Variants in ELOVL2 observed in about 807,000 individuals in gnomAD.
ELOVL2 encodes very long chain fatty acid elongase 2.
ELOVL2 carries 38 observed loss-of-function variants against 37.7 expected under a neutral mutation model. That is an observed-to-expected ratio of 1.01 (90% CI 0.78 to 1.32). The LOEUF (loss-of-function observed/expected upper bound fraction) is 1.32, where lower values mean the gene tolerates loss of function less well. Ranked by LOEUF, ELOVL2 falls within the 40% of genes most tolerant of loss-of-function variation. ELOVL2 has a pLI of 0.00. For synonymous variants in ELOVL2, 115 were observed against 122.3 expected, an observed-to-expected ratio of 0.94 and a Z score of 0.40; for missense variants, 352 against 363.6, an observed-to-expected ratio of 0.97 and a Z score of 0.26.
intron 5 of ELOVL2, among the ~76,000 whole-genome samples, chr6:10,993,857 ATT>A (rs530539525): frequency 0.058 from 4,508 of 78,280 alleles, 89 homozygotes; most frequent in African/African-American, 0.098. Context: ...CGCCCAGCTA[ATT>A]TTTTTTTTTT....
At chr6:10,992,790 A>C (rs1488945799) in intron 5 of ELOVL2, among the ~76,000 whole-genome samples, 6 of 123,734 alleles carry the variant, frequency 4.8e-5, no homozygotes, top group Non-Finnish European at 1.0e-4. Flanking sequence ...CCATCTCAAA[A>C]AAAACAAAAC....
Position 11,000,079 on chromosome 6 carries a change from TG to T in ELOVL2, c.333+7del. On this transcript the variant is annotated splice_region_variant and intron_variant, in intron 4 of 7. Coordinates refer to ENST00000354666, the MANE Select transcript of ELOVL2 (RefSeq NM_017770.4). ...TTATAGTTGGTTGATTTGCTTCTAG[TG>T]GCTCACCCGGATGTCAGCTTCCCCT... The T allele has an allele frequency of 1.9e-6, 3 of 1,613,886 alleles. No individual in the cohort carries two copies. The highest frequency in any genetic ancestry group is 2.5e-6 in the Non-Finnish European group (3 of 1,179,744).
rs1581863190 is a variant in ELOVL2 at position 10,996,513 on chromosome 6, C to CA, written c.334-1336dup. 2.0e-5 allele frequency among the ~76,000 whole-genome samples: 3 copies of CA among 151,610 alleles called. No individual in the cohort carries two copies. In the South Asian group the frequency reaches 6.2e-4, roughly 32 times the overall value. ...TGAAACCTCATCTCCACTAAAAATA[C>CA]AAAAAAATTAGTTGGGTGTGGTGGT... On this transcript the variant is annotated intron_variant, in intron 4 of 7. Coordinates refer to ENST00000354666, the MANE Select transcript of ELOVL2 (RefSeq NM_017770.4).
chr6:11,005,371 C>A lies in ELOVL2; in HGVS notation c.255+1G>T. 1 of 1,611,088 alleles carries A rather than the reference C, an allele frequency of 6.2e-7. No individual in the cohort carries two copies. The highest frequency in any genetic ancestry group is 8.5e-7 in the Non-Finnish European group (1 of 1,178,708). ...TCAGCTTTGGCTACATAAACACTTA[C>A]CTCTGCCAGCATGTACGCGGAGAGA... On this transcript the variant is annotated splice_donor_variant, in intron 3 of 7. Coordinates refer to ENST00000354666, the MANE Select transcript of ELOVL2 (RefSeq NM_017770.4). LOFTEE classifies it high-confidence loss of function.
rs1050215783 is a variant in ELOVL2 at position 10,982,309 on chromosome 6, G to C, written c.*1472C>G. ...TCAGGGGGGAAAAAAAGCCGAGAGA[G>C]AAAGGCACTCTGGACGCTAATGAGT... On this transcript the variant is annotated 3_prime_UTR_variant, in exon 8 of 8. Transcript: ENST00000354666. 7.2e-5 allele frequency: 11 copies of C among 152,088 alleles called. No individual in the cohort carries two copies. The highest frequency in any genetic ancestry group is 2.7e-4 in the African/African-American group (11 of 41,404). The allele number at this position is 152,088 out of a possible 1,614,324, so 9.4% of individuals were successfully genotyped here.
At chr6:11,021,157 T>G (rs1385732470) in intron 1 of ELOVL2, among the ~76,000 whole-genome samples, 1 of 152,220 alleles carries the variant, frequency 6.6e-6, no homozygotes. Context: ...TCCTCAGATG[T>G]CCTCTTTGTT....
chr6:11,009,573 C>T (rs1301053352), intron 2 of ELOVL2, among the ~76,000 whole-genome samples: 6 of 152,126 alleles, frequency 3.9e-5, no homozygotes, highest in African/African-American at 1.4e-4. Context: ...GGAACTGACT[C>T]ATCTGGAGGG....
At chr6:10,986,142 C>G (rs1184731479) in intron 7 of ELOVL2, among the ~76,000 whole-genome samples, 1 of 152,122 alleles carries the variant, frequency 6.6e-6, no homozygotes, top group Non-Finnish European at 1.5e-5. Context: ...TGATTTGGCT[C>G]TCTGTTTGTC....
intron 4 of ELOVL2, among the ~76,000 whole-genome samples, chr6:10,996,337 T>C (rs769970929): frequency 1.3e-5 from 2 of 152,228 alleles, no homozygotes; most frequent in African/African-American, 2.4e-5. Context: ...TTTGTGGTAA[T>C]GCATTAGAAA....
At chr6:10,985,647 C>T (rs2113462497) in intron 7 of ELOVL2, among the ~76,000 whole-genome samples, 1 of 151,890 alleles carries the variant, frequency 6.6e-6, no homozygotes, top group Admixed American at 6.6e-5. Flanking sequence ...TGTCAAAGAT[C>T]AGATAGTTGT....
At chr6:11,027,511 A>G (rs1179824085) in intron 1 of ELOVL2, among the ~76,000 whole-genome samples, 1 of 152,210 alleles carries the variant, frequency 6.6e-6, no homozygotes, top group Non-Finnish European at 1.5e-5. Flanking sequence ...CATTTTAAAA[A>G]TGTTTCTTGT....
rs2113450766 is a variant in ELOVL2 at position 10,980,837 on chromosome 6, C to T, written c.*2944G>A. 1 of 152,712 alleles carries T rather than the reference C, an allele frequency of 6.5e-6. No individual in the cohort carries two copies. The highest frequency in any genetic ancestry group is 2.1e-4 in the South Asian group (1 of 4,818). The allele number at this position is 152,712 out of a possible 1,614,324, so 9.5% of individuals were successfully genotyped here. The stretch of plus-strand genomic sequence containing the variant: ...TACAAAGAGAAATGGCTTCTGCAGC[C>T]TCCCTGTCTACTCCATTCATGATAC... On this transcript the variant is annotated 3_prime_UTR_variant, in exon 8 of 8. Coordinates refer to ENST00000354666, the MANE Select transcript of ELOVL2 (RefSeq NM_017770.4).
intron 2 of ELOVL2, among the ~76,000 whole-genome samples, chr6:11,006,033 GAGA>G (rs1355752661): frequency 6.6e-6 from 1 of 152,172 alleles, no homozygotes; most frequent in Admixed American, 6.5e-5. Flanking sequence ...TCCTCCCATG[GAGA>G]AGATCAGAGC....
intron 1 of ELOVL2, among the ~76,000 whole-genome samples, chr6:11,040,108 CAA>C (rs545668915): frequency 2.2e-3 from 341 of 152,004 alleles, no homozygotes; most frequent in African/African-American, 7.6e-3. Flanking sequence ...AGACAACAAA[CAA>C]TATAAAATAA....
At chr6:10,998,614 T>TTTG (rs1782316646) in intron 4 of ELOVL2, among the ~76,000 whole-genome samples, 1 of 152,184 alleles carries the variant, frequency 6.6e-6, no homozygotes, top group Admixed American at 6.6e-5. Context: ...GGCAGTGGGG[T>TTTG]CCCTTCCAGG....
At chr6:11,006,052 G>C (rs190482631) in intron 2 of ELOVL2, among the ~76,000 whole-genome samples, 127 of 152,324 alleles carry the variant, frequency 8.3e-4, no homozygotes, top group Non-Finnish European at 9.8e-4. Context: ...AGAGCAGTCA[G>C]AGGAAAGAAG....
At chr6:10,994,181 G>A (rs1685591348) in intron 5 of ELOVL2, among the ~76,000 whole-genome samples, 1 of 151,230 alleles carries the variant, frequency 6.6e-6, no homozygotes. Context: ...AAAAAAAGAA[G>A]AAGGGCCGGG....
At position 11,018,057 on chromosome 6, in the gene ELOVL2, C is replaced by T. The variant is rs560647801; in HGVS notation, c.4-7248G>A. Among the ~76,000 whole-genome samples the T allele has an allele frequency of 3.3e-5, 5 of 152,232 alleles. No individual in the cohort carries two copies. In the East Asian group the frequency reaches 9.6e-4, roughly 29 times the overall value. ...TTAACTCCCAGTTAATTCTCAGGGTCAACTGGATCCAATTTTATTTTTTAA... is the reference window on the plus strand; with the variant it reads ...TTAACTCCCAGTTAATTCTCAGGGTTAACTGGATCCAATTTTATTTTTTAA... On this transcript the variant is annotated intron_variant, in intron 1 of 7. Coordinates refer to ENST00000354666, the MANE Select transcript of ELOVL2 (RefSeq NM_017770.4).
At chr6:11,003,669 C>G (rs562829420) in intron 3 of ELOVL2, among the ~76,000 whole-genome samples, 25 of 152,244 alleles carry the variant, frequency 1.6e-4, no homozygotes, top group Non-Finnish European at 3.5e-4. Context: ...GAAACGAATC[C>G]CATAAATTAC....
Sources: gnomAD v4.1 joint callset for allele counts (sites outside exome capture counted in the v4.1 genomes callset) on GRCh38, gnomAD v4.1.1 for gene constraint, MANE v1.5 for transcripts, NCBI Gene and HGNC (gene_info 2026-07-23, HGNC 2026-07-21) for gene names.